Variants in GALNTL6 observed in about 807,000 individuals in gnomAD.
GALNTL6 encodes the protein polypeptide N-acetylgalactosaminyltransferase-like 6.
In GALNTL6, 46 loss-of-function variants were observed where a neutral mutation model predicts 73.7. The ratio of observed to expected loss-of-function variants is 0.62; its 90% CI spans 0.49 to 0.80. GALNTL6 has a LOEUF of 0.80. Among genes scored for constraint, GALNTL6 ranks in the 30% least tolerant of loss-of-function variants. The pLI is 0.00. For missense variants in GALNTL6, 604 were observed against 755.0 expected (o/e 0.80, Z 2.34); for synonymous variants, 259 against 263.7 (o/e 0.98, Z 0.17).
chr4:171,928,440 G>A (rs947985194), intron 2 of GALNTL6, among the ~76,000 whole-genome samples: 27 of 152,172 alleles, frequency 1.8e-4, no homozygotes, highest in African/African-American at 2.9e-4. Flanking sequence ...TTTTAACCAC[G>A]ATCCCTGGCT....
At chr4:172,006,513 G>A (rs1740847813) in intron 2 of GALNTL6, among the ~76,000 whole-genome samples, 1 of 152,056 alleles carries the variant, frequency 6.6e-6, no homozygotes, top group East Asian at 1.9e-4. Flanking sequence ...TGCAGTCCCA[G>A]CTACTCGGGA....
At chr4:172,356,500 G>C (rs913083299) in intron 5 of GALNTL6, among the ~76,000 whole-genome samples, 1 of 152,030 alleles carries the variant, frequency 6.6e-6, no homozygotes, top group Non-Finnish European at 1.5e-5. Context: ...CTTTTATCCT[G>C]AATTATAACA....
chr4:172,222,166 C>A (rs1435235818), intron 2 of GALNTL6, among the ~76,000 whole-genome samples: 2 of 151,438 alleles, frequency 1.3e-5, no homozygotes, highest in Non-Finnish European at 3.0e-5. Flanking sequence ...CAGAAGCACA[C>A]CAAAAAAATC....
At position 172,602,325 on chromosome 4, in the gene GALNTL6, C is replaced by A. The variant is rs1257285942; in HGVS notation, c.554-207036C>A. Among the ~76,000 whole-genome samples the A allele has an allele frequency of 3.3e-5, 5 of 151,978 alleles. No individual in the cohort carries two copies. The East Asian group carries it at 9.7e-4, about 29-fold the overall frequency. ...GATAAACATAACAGATGACTTTTTT[C>A]TCATTTTTCATCTGTAAAACAAAAC... On this transcript the variant is annotated intron_variant, in intron 5 of 12. Coordinates refer to ENST00000506823, the MANE Select transcript of GALNTL6 (RefSeq NM_001034845.3).
At chr4:172,957,546 T>C (rs183430470) in intron 10 of GALNTL6, among the ~76,000 whole-genome samples, 1 of 152,326 alleles carries the variant, frequency 6.6e-6, no homozygotes, top group Non-Finnish European at 1.5e-5. Flanking sequence ...ATAAGCATTG[T>C]CCTGAGCGAT....
chr4:172,822,752 G>C (rs1180015369), intron 7 of GALNTL6, among the ~76,000 whole-genome samples: 1 of 152,146 alleles, frequency 6.6e-6, no homozygotes, highest in Non-Finnish European at 1.5e-5. Flanking sequence ...TGAAGTTCAT[G>C]AATGGATTGA....
chr4:171,887,829 C>CAA (rs1169002209), intron 2 of GALNTL6, among the ~76,000 whole-genome samples: 1 of 152,040 alleles, frequency 6.6e-6, no homozygotes, highest in African/African-American at 2.4e-5. Flanking sequence ...CTTGTTCTTC[C>CAA]TCCCACTAGG....
intron 2 of GALNTL6, among the ~76,000 whole-genome samples, chr4:172,214,130 G>A (rs1471228417): frequency 6.6e-6 from 1 of 152,004 alleles, no homozygotes; most frequent in Non-Finnish European, 1.5e-5. Context: ...TTTATTTCTG[G>A]CATCTATATT....
At chr4:172,577,074 A>G (rs533340259) in intron 5 of GALNTL6, among the ~76,000 whole-genome samples, 234 of 152,276 alleles carry the variant, frequency 1.5e-3, no homozygotes, top group Middle Eastern at 0.01. Flanking sequence ...GCCCATGACC[A>G]TAGGGAGCCT....
intron 3 of GALNTL6, among the ~76,000 whole-genome samples, chr4:172,301,062 G>A (rs950796288): frequency 9.2e-5 from 14 of 152,110 alleles, no homozygotes; most frequent in African/African-American, 2.9e-4. Flanking sequence ...GGCTTTGTTC[G>A]TTTCTTTTTA....
At chr4:172,202,588 T>G (rs922651362) in intron 2 of GALNTL6, among the ~76,000 whole-genome samples, 1 of 152,160 alleles carries the variant, frequency 6.6e-6, no homozygotes, top group African/African-American at 2.4e-5. Context: ...AATAGCTTCA[T>G]GTGGGGCATT....
chr4:171,945,286 G>T (rs181361141), intron 2 of GALNTL6, among the ~76,000 whole-genome samples: 1 of 152,158 alleles, frequency 6.6e-6, no homozygotes, highest in Admixed American at 6.5e-5. Context: ...GATGACTCTT[G>T]GGTGTGCACT....
At chr4:172,209,443 C>CA (rs35780511) in intron 2 of GALNTL6, among the ~76,000 whole-genome samples, 2,579 of 135,190 alleles carry the variant, frequency 0.019, 68 homozygotes, top group African/African-American at 0.063. Flanking sequence ...GGTCTCTGGT[C>CA]AAAAAAAAAA....
At chr4:172,521,601 A>C (rs990215342) in intron 5 of GALNTL6, among the ~76,000 whole-genome samples, 1 of 152,196 alleles carries the variant, frequency 6.6e-6, no homozygotes, top group African/African-American at 2.4e-5. Flanking sequence ...GCAAGACAAT[A>C]AGTAAGACAT....
At chr4:172,433,648 A>G (rs1731538300) in intron 5 of GALNTL6, among the ~76,000 whole-genome samples, 1 of 151,718 alleles carries the variant, frequency 6.6e-6, no homozygotes, top group South Asian at 2.1e-4. Flanking sequence ...CTTCCTCCCC[A>G]TCTACTCTTC....
chr4:171,886,680 G>T (rs542036173), intron 2 of GALNTL6, among the ~76,000 whole-genome samples: 10 of 152,220 alleles, frequency 6.6e-5, no homozygotes, highest in Admixed American at 2.6e-4. Flanking sequence ...AGAGAAAAGA[G>T]CTTGTGCAGG....
chr4:172,099,449 G>C (rs1579137787), intron 2 of GALNTL6, among the ~76,000 whole-genome samples: 1 of 152,144 alleles, frequency 6.6e-6, no homozygotes, highest in East Asian at 1.9e-4. Context: ...TGAAGGTCCT[G>C]GGAATTTAAC....
chr4:172,734,617 C>T (rs979361532), intron 5 of GALNTL6, among the ~76,000 whole-genome samples: 2 of 152,304 alleles, frequency 1.3e-5, no homozygotes, highest in Admixed American at 1.3e-4. Context: ...AGAAGCTCTG[C>T]CCCTGTGGCT....
chr4:171,989,643 C>T (rs533183017), intron 2 of GALNTL6, among the ~76,000 whole-genome samples: 32 of 152,262 alleles, frequency 2.1e-4, no homozygotes, highest in Admixed American at 9.2e-4. Flanking sequence ...ACTTGGCTGC[C>T]TCTACTCTTA....
Sources: gnomAD v4.1 joint callset for allele counts (sites outside exome capture counted in the v4.1 genomes callset) on GRCh38, gnomAD v4.1.1 for gene constraint, MANE v1.5 for transcripts, NCBI Gene and HGNC (gene_info 2026-07-23, HGNC 2026-07-21) for gene names.